The following TXK variants were observed in gnomAD, a reference collection of about 807,000 sequenced individuals.
TXK encodes TXK tyrosine kinase.
A neutral mutation model predicts 81.0 loss-of-function variants in TXK; 60 were observed. The observed-to-expected ratio is 0.74, with a 90% CI of 0.60 to 0.92. TXK has a LOEUF of 0.92. Among genes scored for constraint, TXK ranks in the 40% least tolerant of loss-of-function variants. The pLI is 0.00. For missense variants in TXK, 581 were observed against 638.3 expected (o/e 0.91, Z 0.97); for synonymous variants, 203 against 210.7 (o/e 0.96, Z 0.32).
rs377611769 is a variant in TXK at position 48,134,173 on chromosome 4, T to C, written c.-3A>G. The stretch of plus-strand genomic sequence containing the variant: ...TACTCACAGGAGGAAAGGATCATGG[T>C]AGCCCCTTCTGCGGGGAGCACACAA... On this transcript the variant is annotated 5_prime_UTR_variant, in exon 1 of 15. Coordinates refer to ENST00000264316, the MANE Select transcript of TXK (RefSeq NM_003328.3). The C allele has an allele frequency of 3.4e-5, 55 of 1,613,348 alleles. No homozygotes were observed. In the African/African-American group the frequency reaches 5.7e-4, roughly 17 times the overall value.
At chr4:48,131,584 A>G (rs1369200926) in intron 1 of TXK, among the ~76,000 whole-genome samples, 1 of 152,226 alleles carries the variant, frequency 6.6e-6, no homozygotes, top group East Asian at 1.9e-4. Context: ...AGTAGACAAC[A>G]GGTGATTCTT....
chr4:48,080,240 A>AT (rs1418571801), intron 10 of TXK, 112 bp from the exon 11 acceptor site: 103 of 858,906 alleles, frequency 1.2e-4, no homozygotes, highest in Non-Finnish European at 5.9e-5. Flanking sequence ...TCAAGATAAG[A>AT]TAAAAATCAA....
chr4:48,106,790 T>TTTA (rs1389704944), intron 5 of TXK, among the ~76,000 whole-genome samples: 3 of 152,154 alleles, frequency 2.0e-5, no homozygotes, highest in African/African-American at 7.2e-5. Flanking sequence ...AATCAATATG[T>TTTA]TTGGTATTTA....
At chr4:48,109,002 G>GA (rs976402513) in intron 5 of TXK, among the ~76,000 whole-genome samples, 7 of 151,796 alleles carry the variant, frequency 4.6e-5, no homozygotes, top group South Asian at 2.1e-4. Flanking sequence ...CAAATTATAT[G>GA]AAAAAAAGTC....
rs193140966 is a variant in TXK at position 48,067,526 on chromosome 4, T to C, written c.*111A>G. On this transcript the variant is annotated 3_prime_UTR_variant, in exon 15 of 15. Transcript: ENST00000264316. ...GTGATCTTTGCACTGTTTTCAAGAGTCAGCAACTCTGAAGAAAGATATTCA... is the reference window on the plus strand; with the variant it reads ...GTGATCTTTGCACTGTTTTCAAGAGCCAGCAACTCTGAAGAAAGATATTCA... The C allele has an allele frequency of 4.6e-5, 51 of 1,116,296 alleles. No individual in the cohort carries two copies. The highest frequency in any genetic ancestry group is 2.4e-4 in the Admixed American group (12 of 49,460). The allele number at this position is 1,116,296 out of a possible 1,614,324, so 69.1% of individuals were successfully genotyped here.
chr4:48,113,072 C>T, intron 3 of TXK, 135 bp downstream of exon 3: 1 of 510,380 alleles, frequency 2.0e-6, no homozygotes, highest in East Asian at 2.9e-5. Flanking sequence ...TAGAACATTC[C>T]TTCACAAATT....
At chr4:48,103,242 T>TG (rs1467871939) in intron 6 of TXK, among the ~76,000 whole-genome samples, 1 of 152,250 alleles carries the variant, frequency 6.6e-6, no homozygotes, top group Non-Finnish European at 1.5e-5. Context: ...GTGACCAGTG[T>TG]GATAACTGTG....
chr4:48,111,532 GCAGGTGTGGCTAATT>G (rs1718632207), intron 4 of TXK, among the ~76,000 whole-genome samples: 1 of 152,144 alleles, frequency 6.6e-6, no homozygotes, highest in South Asian at 2.1e-4. Flanking sequence ...TAGTATACCC[GCAGGTGTGGCTAATT>G]ACACAGTCCT....
Position 48,095,234 on chromosome 4 carries a change from A to G in TXK, c.502-12T>C. 13 of 1,602,382 alleles carry G rather than the reference A, an allele frequency of 8.1e-6. No individual in the cohort carries two copies. Among genetic ancestry groups the G allele is most frequent in the Non-Finnish European group, 1.1e-5 (13 of 1,170,932 alleles). On this transcript the variant is annotated splice_polypyrimidine_tract_variant and intron_variant, in intron 6 of 14. Transcript: ENST00000264316. ...GCACCTTCTTTAGACTGCAAAAAAA[A>G]TCATTTATTGAATAAGTCTATTCCT...
intron 6 of TXK, among the ~76,000 whole-genome samples, chr4:48,096,873 C>T (rs115181815): frequency 0.013 from 1,998 of 152,120 alleles, 35 homozygotes; most frequent in African/African-American, 0.046. Context: ...CAAATAAAAG[C>T]GAAGAATATC....
intron 14 of TXK, 56 bp downstream of exon 14, chr4:48,071,461 G>A: frequency 2.0e-6 from 3 of 1,528,868 alleles, no homozygotes; most frequent in East Asian, 2.3e-5. Context: ...TGATAATCAG[G>A]TCTGCTCTCA....
At position 48,086,612 on chromosome 4, in the gene TXK, C is replaced by T. The variant is rs1717541218; in HGVS notation, c.810G>A (p.Glu270=). 1.9e-6 allele frequency: 3 copies of T among 1,613,900 alleles called. No individual in the cohort carries two copies. Among genetic ancestry groups the T allele is most frequent in the Non-Finnish European group, 8.5e-7 (1 of 1,179,970 alleles). ...TTCCAATCTCCTTTATAAAAGCCAA[C>T]TCAGATGGATCTATCTCCCACTTTT... ...SYEKWEIDPS[E]LAFIKEIGSG... The change falls in exon 10 of 15, where the codon GAG becomes GAA. Residue 270 remains glutamate, a synonymous_variant. Transcript: ENST00000264316.
chr4:48,087,462 G>T lies in TXK; in HGVS notation c.785-825C>A, dbSNP rs146155945. 1.9e-3 allele frequency among the ~76,000 whole-genome samples: 284 copies of T among 151,594 alleles called. 1 individual carries two copies. The highest frequency in any genetic ancestry group is 6.6e-3 in the African/African-American group (271 of 41,310). On this transcript the variant is annotated intron_variant, in intron 9 of 14. Coordinates refer to ENST00000264316, the MANE Select transcript of TXK (RefSeq NM_003328.3). The stretch of plus-strand genomic sequence containing the variant: ...TATTATTTTTTTTTTTGGAGGAAGG[G>T]TCTCACTCTCTCACCCAGGCTGGAG...
intron 7 of TXK, 95 bp from the exon 8 acceptor site, chr4:48,094,299 A>T (rs1462980924): frequency 1.4e-6 from 2 of 1,391,562 alleles, no homozygotes; most frequent in East Asian, 2.3e-5. Context: ...TCTAAAACTC[A>T]TCCTAGCAAC....
chr4:48,075,604 A>G (rs892159458), intron 12 of TXK, among the ~76,000 whole-genome samples: 2 of 151,984 alleles, frequency 1.3e-5, no homozygotes, highest in African/African-American at 2.4e-5. Flanking sequence ...GAGCCGAGAG[A>G]GCACCACTGC....
At chr4:48,096,838 C>A (rs569096214) in intron 6 of TXK, among the ~76,000 whole-genome samples, 105 of 152,244 alleles carry the variant, frequency 6.9e-4, no homozygotes, top group African/African-American at 2.3e-3. Flanking sequence ...CTTTTAAATT[C>A]TCTTTCATAT....
At chr4:48,114,273 A>G in intron 2 of TXK, 75 bp downstream of exon 2, 3 of 1,462,536 alleles carry the variant, frequency 2.1e-6, no homozygotes, top group Non-Finnish European at 2.9e-6. Context: ...GTGCAAAGAG[A>G]CATGGTGACT....
chr4:48,074,533 G>T (rs956757858), intron 12 of TXK, among the ~76,000 whole-genome samples: 1 of 152,126 alleles, frequency 6.6e-6, no homozygotes, highest in Admixed American at 6.6e-5. Flanking sequence ...AAAAGTATAT[G>T]AACATAATGC....
Position 48,076,431 on chromosome 4 carries a change from T to G in TXK, c.1209A>C (p.Ile403=). 6.2e-7 allele frequency: 1 copy of G among 1,613,110 alleles called. No individual in the cohort carries two copies. The highest frequency in any genetic ancestry group is 8.5e-7 in the Non-Finnish European group (1 of 1,179,668). ...ARNCLVSSTC[I]VKISDFGMTR... is the part of the protein sequence containing the mutation. ...TCATTCCAAAGTCTGAAATTTTTAC[T>G]ATGCATGTTGAACTGACCAAACAAT... The change falls in exon 12 of 15, where the codon ATA becomes ATC. Residue 403 remains isoleucine, a synonymous_variant. Coordinates refer to ENST00000264316, the MANE Select transcript of TXK (RefSeq NM_003328.3).
Sources: allele counts gnomAD v4.1 joint callset (sites outside exome capture counted in the v4.1 genomes callset), GRCh38; gene constraint gnomAD v4.1.1; transcripts MANE v1.5; gene names NCBI Gene and HGNC (gene_info 2026-07-23, HGNC 2026-07-21).